Variants in PPARGC1A observed in about 807,000 individuals in gnomAD.
PPARGC1A encodes the protein PPARG coactivator 1 alpha.
PPARGC1A carries 25 observed loss-of-function variants against 88.7 expected under a neutral mutation model. The ratio of observed to expected loss-of-function variants is 0.28; its 90% confidence interval spans 0.21 to 0.39. The LOEUF (loss-of-function observed/expected upper bound fraction) is 0.39, where lower values mean the gene tolerates loss of function less well. Ranked by LOEUF, PPARGC1A falls within the 10% of genes least tolerant of loss-of-function variation. PPARGC1A has a pLI of 1.00. For missense variants in PPARGC1A, 880 were observed against 968.7 expected (o/e 0.91, Z 1.22); for synonymous variants, 363 against 355.6 (o/e 1.02, Z -0.24).
At chr4:24,237,985 A>C in the PPARGC1A span, among the ~76,000 whole-genome samples, 1 of 152,230 alleles carries the variant, frequency 6.6e-6, no homozygotes, top group African/African-American at 2.4e-5. Flanking sequence ...GAGATAGATA[A>C]GTGCTAATAT....
At chr4:23,827,460 G>T (rs773292908) in intron 5 of PPARGC1A, among the ~76,000 whole-genome samples, 8 of 151,992 alleles carry the variant, frequency 5.3e-5, no homozygotes, top group Non-Finnish European at 1.2e-4. Flanking sequence ...GTTTATAATT[G>T]GTGTGTTATA....
At chr4:23,974,582 T>C in the PPARGC1A span, among the ~76,000 whole-genome samples, 1 of 152,050 alleles carries the variant, frequency 6.6e-6, no homozygotes, top group African/African-American at 2.4e-5. Flanking sequence ...ACATAATTAG[T>C]AGCTGCAAAG....
the PPARGC1A span, among the ~76,000 whole-genome samples, chr4:24,123,818 G>A: frequency 6.6e-6 from 1 of 150,762 alleles, no homozygotes; most frequent in Non-Finnish European, 1.5e-5. Context: ...CAGATGGAGT[G>A]TGCTCTCCTA....
At chr4:23,926,658 T>C in the PPARGC1A span, among the ~76,000 whole-genome samples, 2 of 152,180 alleles carry the variant, frequency 1.3e-5, no homozygotes, top group Non-Finnish European at 2.9e-5. Context: ...TTGCTCCAGC[T>C]CTACCTGAAA....
chr4:24,137,594 G>T, the PPARGC1A span, among the ~76,000 whole-genome samples: 297 of 152,276 alleles, frequency 2.0e-3, 1 homozygote, highest in Non-Finnish European at 2.3e-3. Flanking sequence ...AAAAGAGAAA[G>T]TCACCTTCCA....
At chr4:24,110,389 A>G in the PPARGC1A span, among the ~76,000 whole-genome samples, 58 of 152,220 alleles carry the variant, frequency 3.8e-4, no homozygotes, top group African/African-American at 1.4e-3. Flanking sequence ...AGATACCTGA[A>G]TTGCAATACT....
chr4:23,908,933 G>T (rs774954307), upstream of PPARGC1A, among the ~76,000 whole-genome samples: 1 of 152,150 alleles, frequency 6.6e-6, no homozygotes, highest in African/African-American at 2.4e-5. Context: ...TGATAGTTCC[G>T]CAACATCCCA....
the PPARGC1A span, among the ~76,000 whole-genome samples, chr4:23,917,020 G>A: frequency 1.3e-5 from 2 of 152,246 alleles, no homozygotes; most frequent in Non-Finnish European, 2.9e-5. Flanking sequence ...TCAGTACAAC[G>A]ACTGTGTTCT....
the PPARGC1A span, among the ~76,000 whole-genome samples, chr4:24,153,140 A>T: frequency 6.6e-6 from 1 of 152,214 alleles, no homozygotes; most frequent in East Asian, 1.9e-4. Context: ...GTAACTATAG[A>T]GGAGCATAGA....
the PPARGC1A span, among the ~76,000 whole-genome samples, chr4:24,017,325 T>C: frequency 6.6e-6 from 1 of 152,114 alleles, no homozygotes; most frequent in African/African-American, 2.4e-5. Flanking sequence ...ATCCTAACAC[T>C]GTATGTGAAA....
the PPARGC1A span, among the ~76,000 whole-genome samples, chr4:23,974,390 T>G: frequency 6.6e-6 from 1 of 152,180 alleles, no homozygotes; most frequent in African/African-American, 2.4e-5. Context: ...CACGTGTTAT[T>G]TTGCTTAATT....
At chr4:24,146,627 A>C in the PPARGC1A span, among the ~76,000 whole-genome samples, 1 of 152,222 alleles carries the variant, frequency 6.6e-6, no homozygotes, top group South Asian at 2.1e-4. Flanking sequence ...AGCTGTTATT[A>C]GCAGACAAGC....
the PPARGC1A span, among the ~76,000 whole-genome samples, chr4:24,061,611 G>T: frequency 6.6e-6 from 1 of 152,228 alleles, no homozygotes; most frequent in Non-Finnish European, 1.5e-5. Flanking sequence ...ATAGAACTAT[G>T]GGGAAGTGTG....
At chr4:23,958,703 CATA>C in the PPARGC1A span, among the ~76,000 whole-genome samples, 10 of 151,560 alleles carry the variant, frequency 6.6e-5, no homozygotes, top group Non-Finnish European at 1.5e-4. Context: ...ATATTTATAC[CATA>C]ATATTTATAG....
chr4:24,426,965 T>C, the PPARGC1A span, among the ~76,000 whole-genome samples: 1 of 152,216 alleles, frequency 6.6e-6, no homozygotes, highest in Non-Finnish European at 1.5e-5. Flanking sequence ...TCAGGAAAGC[T>C]GCAAGAATCT....
chr4:23,941,814 C>CA, the PPARGC1A span, among the ~76,000 whole-genome samples: 1 of 152,172 alleles, frequency 6.6e-6, no homozygotes, highest in African/African-American at 2.4e-5. Context: ...TCACTGCATG[C>CA]ACCCAAGCCA....
the PPARGC1A span, among the ~76,000 whole-genome samples, chr4:24,265,988 G>A: frequency 1.2e-4 from 19 of 152,050 alleles, no homozygotes; most frequent in East Asian, 1.9e-4. Flanking sequence ...TGGGGGAGAG[G>A]AGGCTACAAA....
chr4:24,352,024 G>A, the PPARGC1A span, among the ~76,000 whole-genome samples: 3 of 152,030 alleles, frequency 2.0e-5, no homozygotes, highest in African/African-American at 7.2e-5. Context: ...AAAACCTGAT[G>A]GGCCTAGATC....
intron 12 of PPARGC1A, among the ~76,000 whole-genome samples, chr4:23,798,629 T>C (rs554279245): frequency 2.0e-5 from 3 of 152,320 alleles, no homozygotes; most frequent in Admixed American, 6.5e-5. Context: ...AACTAATTCC[T>C]AATCAAAACT....
Sources: gnomAD v4.1 joint callset for allele counts (sites outside exome capture counted in the v4.1 genomes callset) on GRCh38, gnomAD v4.1.1 for gene constraint, MANE v1.5 for transcripts, NCBI Gene and HGNC (gene_info 2026-07-23, HGNC 2026-07-21) for gene names.